The following CFAP46 variants were observed in gnomAD, a reference collection of about 807,000 sequenced individuals.
CFAP46 encodes cilia- and flagella-associated protein 46.
Under a neutral mutation model 325.7 loss-of-function variants are expected in CFAP46, and 245 were observed. The ratio of observed to expected loss-of-function variants is 0.75; its 90% confidence interval spans 0.68 to 0.84. CFAP46 has a LOEUF of 0.84. CFAP46 is among the 40% of genes least tolerant of loss of function. CFAP46 has a pLI of 0.00. For synonymous variants in CFAP46, 1,523 were observed against 1,495.9 expected (o/e 1.02, Z -0.42); for missense variants, 3,346 against 3,543.0 (o/e 0.94, Z 1.41).
chr10:132,822,793 G>A (rs1287097505), intron 50 of CFAP46, among the ~76,000 whole-genome samples: 4 of 133,182 alleles, frequency 3.0e-5, no homozygotes, highest in Admixed American at 2.2e-4. Context: ...TGTGTGTGCT[G>A]TGTGTGTGCT....
chr10:132,925,612 T>C (rs573398654), intron 10 of CFAP46, among the ~76,000 whole-genome samples: 2 of 152,374 alleles, frequency 1.3e-5, no homozygotes, highest in African/African-American at 4.8e-5. Context: ...AATCATTCCT[T>C]AAACGAACAC....
chr10:132,908,081 C>T (rs1476492639), intron 22 of CFAP46, among the ~76,000 whole-genome samples: 3 of 152,252 alleles, frequency 2.0e-5, no homozygotes, highest in Non-Finnish European at 4.4e-5. Flanking sequence ...CTGAGGCCCA[C>T]GTGACTTCAG....
In CFAP46 at chr10:132,919,816, G is replaced by A. The variant is rs1248211345; in HGVS notation, c.1730+243C>T. Among the ~76,000 whole-genome samples, 1 of 152,176 alleles carries A rather than the reference G, an allele frequency of 6.6e-6. No individual in the cohort carries two copies. Among genetic ancestry groups the A allele is most frequent in the African/African-American group, 2.4e-5 (1 of 41,458 alleles). On this transcript the variant is annotated intron_variant, in intron 14 of 57. Coordinates refer to ENST00000368586, the MANE Select transcript of CFAP46 (RefSeq NM_001200049.3). The surrounding 1 kb of genome is among the most constrained non-coding windows in gnomAD (Gnocchi z 9.7). Reference sequence around the variant, plus strand: ...GCTGCGTGTCCTCCGAGTGACAGCAGTGACAGGCGGGACAGGGCAGCCGCA... The same window carrying A: ...GCTGCGTGTCCTCCGAGTGACAGCAATGACAGGCGGGACAGGGCAGCCGCA...
chr10:132,816,628 C>T (rs1336597483), intron 50 of CFAP46, among the ~76,000 whole-genome samples: 1 of 152,182 alleles, frequency 6.6e-6, no homozygotes, highest in Non-Finnish European at 1.5e-5. Flanking sequence ...CAATTGTGCC[C>T]GGCCAACTCT....
rs1320435293 is a variant in CFAP46 at position 132,876,075 on chromosome 10, A to G, written c.4362+737T>C. ...GACAGCCTGGAGGGCACATCACAAA[A>G]GAGGACCTCCAAGGATAGGAAGCAC... On this transcript the variant is annotated intron_variant, in intron 31 of 57. Coordinates refer to ENST00000368586, the MANE Select transcript of CFAP46 (RefSeq NM_001200049.3). This position sits in a 1 kb window ranked among gnomAD's most constrained non-coding sequence, Gnocchi z 4.1. 6.6e-6 allele frequency among the ~76,000 whole-genome samples: 1 copy of G among 152,274 alleles called. No homozygotes were observed. Among genetic ancestry groups the G allele is most frequent in the African/African-American group, 2.4e-5 (1 of 41,482 alleles).
At chr10:132,890,271 CCTT>C (rs1849236437) in intron 25 of CFAP46, among the ~76,000 whole-genome samples, 1 of 152,200 alleles carries the variant, frequency 6.6e-6, no homozygotes, top group Non-Finnish European at 1.5e-5. Context: ...GTCTGGGCTG[CCTT>C]CTGCCTCCCC....
chr10:132,860,034 G>A (rs377607014), intron 37 of CFAP46, among the ~76,000 whole-genome samples: 40 of 152,156 alleles, frequency 2.6e-4, no homozygotes, highest in Non-Finnish European at 5.3e-4. Flanking sequence ...CAGCCTGGGC[G>A]TCGATAAATG....
At chr10:132,863,040 C>A (rs773685407) in intron 35 of CFAP46, among the ~76,000 whole-genome samples, 1 of 152,116 alleles carries the variant, frequency 6.6e-6, no homozygotes, top group Non-Finnish European at 1.5e-5. Context: ...TGCAAAACAG[C>A]GGCTGCAGGA....
At chr10:132,913,461 C>T (rs1849586686) in intron 17 of CFAP46, among the ~76,000 whole-genome samples, 1 of 152,220 alleles carries the variant, frequency 6.6e-6, no homozygotes, top group Admixed American at 6.5e-5. Flanking sequence ...GTCCCATCAA[C>T]AGCTGCATTC....
intron 19 of CFAP46, among the ~76,000 whole-genome samples, chr10:132,912,121 C>T (rs1443585509): frequency 1.1e-5 from 1 of 93,778 alleles, no homozygotes; most frequent in Non-Finnish European, 2.3e-5. Context: ...TCCCTCCACC[C>T]CCACCCCCCC....
chr10:132,927,624 C>T (rs1410146323), intron 9 of CFAP46, among the ~76,000 whole-genome samples: 1 of 152,196 alleles, frequency 6.6e-6, no homozygotes, highest in African/African-American at 2.4e-5. Context: ...TCACAGAGGT[C>T]AGAAAAAGCG....
rs1034223994 is a variant in CFAP46, at chr10:132,908,546, G to A, written c.2846C>T (p.Ala949Val). ...LTRLTHFAHAARDHETTMACA... is the reference protein window; with the variant it reads ...LTRLTHFAHAVRDHETTMACA... ...GGCCATGGTGGTCTCATGGTCACGC[G>A]CTGCATGGGCGAAGTGGGTCAGCCG... is the stretch of plus-strand genomic sequence containing the variant. The change falls in exon 22 of 58, where the codon GCG (alanine) becomes GTG (valine). Residue 949 changes from alanine (A) to valine (V), a missense_variant. Ala to Val is a moderately conservative substitution (Grantham distance 64). Coordinates refer to ENST00000368586, the MANE Select transcript of CFAP46 (RefSeq NM_001200049.3). The A allele has an allele frequency of 1.9e-5, 29 of 1,550,362 alleles. No homozygotes were observed. The Middle Eastern group carries it at 5.0e-4, about 27-fold the overall frequency.
At chr10:132,905,388 G>A (rs1260701011) in intron 22 of CFAP46, among the ~76,000 whole-genome samples, 1 of 151,492 alleles carries the variant, frequency 6.6e-6, no homozygotes, top group Non-Finnish European at 1.5e-5. Flanking sequence ...GTCCATCTGG[G>A]GACAGCTCTT....
chr10:132,890,535 G>A (rs368478273), intron 25 of CFAP46, among the ~76,000 whole-genome samples: 7 of 152,194 alleles, frequency 4.6e-5, no homozygotes, highest in South Asian at 4.1e-4. Context: ...CAACCAGTGC[G>A]GAGTCCCCCC....
chr10:132,846,102 G>A lies in CFAP46; in HGVS notation c.6393C>T (p.Thr2131=). 1 of 1,606,066 alleles carries A rather than the reference G, an allele frequency of 6.2e-7. No individual in the cohort carries two copies. The highest frequency in any genetic ancestry group is 1.1e-5 in the South Asian group (1 of 90,372). The stretch of plus-strand genomic sequence containing the variant: ...TCTGCTCCACACGGGCGCCCAGGCT[G>A]GTGGTGGTCCTGTCTTGGCACCGGA... The part of the protein sequence containing the change: ...HQLRCQDRTT[T]SLGARVEQRL... Residue 2131 remains threonine (T), a synonymous_variant, in exon 44 of 58, where the codon ACC becomes ACT. Coordinates refer to ENST00000368586, the MANE Select transcript of CFAP46 (RefSeq NM_001200049.3).
At chr10:132,880,813 T>C (rs758433446) in intron 28 of CFAP46, 48 bp downstream of exon 28, 33 of 1,526,744 alleles carry the variant, frequency 2.2e-5, no homozygotes, top group Admixed American at 3.9e-5. Context: ...GAAGCAGAGC[T>C]CTGGGGAGCG....
chr10:132,942,413 G>A, intron 1 of CFAP46, 23 bp downstream of exon 1: 2 of 1,364,666 alleles, frequency 1.5e-6, no homozygotes, highest in Non-Finnish European at 1.9e-6. Flanking sequence ...CCGGGGCGGG[G>A]GTCGTGGCGG....
chr10:132,830,265 T>C (rs981800844), intron 50 of CFAP46, among the ~76,000 whole-genome samples: 5 of 152,140 alleles, frequency 3.3e-5, no homozygotes, highest in Non-Finnish European at 7.3e-5. Flanking sequence ...TGTCTTAGCC[T>C]CCTGAGTAGC....
At chr10:132,859,676 C>T (rs891331839) in intron 37 of CFAP46, among the ~76,000 whole-genome samples, 1 of 152,174 alleles carries the variant, frequency 6.6e-6, no homozygotes, top group Non-Finnish European at 1.5e-5. Flanking sequence ...GGAGCAGCCA[C>T]AGCAGGGCCC....
Sources: gnomAD v4.1 joint callset for allele counts (sites outside exome capture counted in the v4.1 genomes callset) on GRCh38, gnomAD v4.1.1 for gene constraint, Gnocchi (gnomAD v3.1) non-coding constraint, MANE v1.5 for transcripts, NCBI Gene and HGNC (gene_info 2026-07-23, HGNC 2026-07-21) for gene names.